SIK3: variants seen among roughly 807,000 people sequenced by gnomAD.
SIK3 encodes serine/threonine-protein kinase SIK3.
In SIK3, 28 loss-of-function variants were observed where a neutral mutation model predicts 144.2. The observed-to-expected ratio is 0.19, with a 90% confidence interval of 0.14 to 0.27. The LOEUF (loss-of-function observed/expected upper bound fraction) is 0.27, where lower values mean the gene tolerates loss of function less well. Among genes scored for constraint, SIK3 ranks in the 10% least tolerant of loss-of-function variants. The pLI, the probability that SIK3 is intolerant of heterozygous loss-of-function variation, is 1.00. For missense variants in SIK3, 1,319 were observed against 1,776.0 expected (o/e 0.74, Z 4.62); for synonymous variants, 686 against 676.3 (o/e 1.01, Z -0.22).
chr11:116,940,142 T>C (rs1304323477), intron 3 of SIK3, among the ~76,000 whole-genome samples: 1 of 152,120 alleles, frequency 6.6e-6, no homozygotes, highest in Non-Finnish European at 1.5e-5. Context: ...TTGTAGACAC[T>C]GGATAATAAC....
At chr11:117,036,092 T>C (rs77063239) in intron 1 of SIK3, 1 of 679,804 alleles carries the variant, frequency 1.5e-6, no homozygotes, top group South Asian at 2.4e-5. Flanking sequence ...AAAGGTTAAT[T>C]TTTTTTTTTT....
chr11:117,005,736 T>A, intron 1 of SIK3, among the ~76,000 whole-genome samples: 1 of 152,126 alleles, frequency 6.6e-6, no homozygotes, highest in South Asian at 2.1e-4. Context: ...ATATAAAGTA[T>A]CACAAACCCA....
At chr11:117,068,626 A>G (rs1954123586) in intron 1 of SIK3, among the ~76,000 whole-genome samples, 1 of 152,130 alleles carries the variant, frequency 6.6e-6, no homozygotes, top group Non-Finnish European at 1.5e-5. Flanking sequence ...GCATGCCTGT[A>G]GTCCCAGCTA....
chr11:117,008,179 T>C (rs573056292), intron 1 of SIK3, among the ~76,000 whole-genome samples: 2 of 151,732 alleles, frequency 1.3e-5, no homozygotes, highest in African/African-American at 4.8e-5. Context: ...TTTGGGTTCA[T>C]TCCAAAACAA....
chr11:116,931,519 T>C (rs1947601978), intron 3 of SIK3, among the ~76,000 whole-genome samples: 1 of 152,176 alleles, frequency 6.6e-6, no homozygotes, highest in Non-Finnish European at 1.5e-5. Flanking sequence ...TCATAGTTGA[T>C]GCAAAACACT....
chr11:117,028,956 T>G (rs375519731), intron 1 of SIK3, among the ~76,000 whole-genome samples: 2 of 146,344 alleles, frequency 1.4e-5, no homozygotes, highest in African/African-American at 5.3e-5. Context: ...TGAATCTTGC[T>G]TTGTCACAGT....
At chr11:117,033,294 T>C (rs1180230250) in intron 1 of SIK3, among the ~76,000 whole-genome samples, 1 of 152,234 alleles carries the variant, frequency 6.6e-6, no homozygotes, top group Non-Finnish European at 1.5e-5. Flanking sequence ...TTTGGATCCC[T>C]CTTACCCTAC....
At chr11:116,862,052 A>G in intron 17 of SIK3, 126 bp from the exon 18 acceptor site, 5 of 1,298,106 alleles carry the variant, frequency 3.9e-6, no homozygotes, top group Non-Finnish European at 5.5e-6. Flanking sequence ...GTTGTTCACC[A>G]GAAGGTCTGA....
At chr11:116,863,411 G>A (rs1296422667) in intron 16 of SIK3, among the ~76,000 whole-genome samples, 2 of 152,002 alleles carry the variant, frequency 1.3e-5, no homozygotes, top group African/African-American at 2.4e-5. Flanking sequence ...TAATCTTTTG[G>A]GGGAGAAAGG....
Position 117,004,837 on chromosome 11 carries a change from G to C in SIK3, c.274-47773C>G, listed in dbSNP as rs141346951. ...TGCTGGGCAATAAGAAAGGAAACAAGGTTAAAGCCTATGGGAAAACAAAGA... is the reference window on the plus strand; with the variant it reads ...TGCTGGGCAATAAGAAAGGAAACAACGTTAAAGCCTATGGGAAAACAAAGA... On this transcript the variant is annotated intron_variant, in intron 1 of 24. Coordinates refer to ENST00000445177, the MANE Select transcript of SIK3 (RefSeq NM_001366686.3). 2.6e-5 allele frequency among the ~76,000 whole-genome samples: 4 copies of C among 152,256 alleles called. No homozygotes were observed. The East Asian group carries it at 7.7e-4, about 29-fold the overall frequency.
At chr11:116,906,260 G>A (rs190662093) in intron 4 of SIK3, among the ~76,000 whole-genome samples, 102 of 152,268 alleles carry the variant, frequency 6.7e-4, no homozygotes, top group African/African-American at 2.2e-3. Flanking sequence ...GAATATATGG[G>A]ATGAAAAAGA....
intron 1 of SIK3, among the ~76,000 whole-genome samples, chr11:117,007,843 G>T (rs1951105996): frequency 6.6e-6 from 1 of 152,022 alleles, no homozygotes; most frequent in South Asian, 2.1e-4. Context: ...CAACACTTTG[G>T]GAGGCTGAGG....
At chr11:117,023,053 G>A (rs4936360) in intron 1 of SIK3, among the ~76,000 whole-genome samples, 1 of 152,006 alleles carries the variant, frequency 6.6e-6, no homozygotes, top group South Asian at 2.1e-4. Flanking sequence ...GCAGATTGTA[G>A]AAAACACAAA....
intron 4 of SIK3, among the ~76,000 whole-genome samples, chr11:116,918,137 C>T (rs1483409097): frequency 6.6e-6 from 1 of 152,166 alleles, no homozygotes; most frequent in African/African-American, 2.4e-5. Context: ...TGTTATGATA[C>T]ATGTATACAC....
intron 1 of SIK3, among the ~76,000 whole-genome samples, chr11:117,073,295 A>T (rs1249821643): frequency 6.6e-6 from 1 of 152,172 alleles, no homozygotes; most frequent in Non-Finnish European, 1.5e-5. Flanking sequence ...CTTTCAGCCC[A>T]AATCATCCAT....
At chr11:117,036,011 T>C in intron 1 of SIK3, 1 of 1,504,344 alleles carries the variant, frequency 6.6e-7, no homozygotes, top group Non-Finnish European at 9.1e-7. Context: ...CCTCTTCTCC[T>C]TTTCTGGAGA....
intron 4 of SIK3, among the ~76,000 whole-genome samples, chr11:116,920,579 AC>A (rs1362596123): frequency 6.6e-6 from 1 of 152,020 alleles, no homozygotes; most frequent in East Asian, 1.9e-4. Flanking sequence ...TGACTGCTGT[AC>A]CCCCGTGCCT....
At chr11:116,981,786 G>A (rs965002903) in intron 1 of SIK3, among the ~76,000 whole-genome samples, 4 of 152,168 alleles carry the variant, frequency 2.6e-5, no homozygotes, top group African/African-American at 9.7e-5. Context: ...GCCGGGGCAG[G>A]AGGACTGCTT....
chr11:117,095,795 C>T (rs1955449587), intron 1 of SIK3, among the ~76,000 whole-genome samples: 1 of 152,224 alleles, frequency 6.6e-6, no homozygotes, highest in African/African-American at 2.4e-5. Flanking sequence ...GCACTTGTAA[C>T]TGTAACTAGG....
Sources: allele counts gnomAD v4.1 joint callset (sites outside exome capture counted in the v4.1 genomes callset), GRCh38; gene constraint gnomAD v4.1.1; transcripts MANE v1.5; gene names NCBI Gene and HGNC (gene_info 2026-07-23, HGNC 2026-07-21).